Variants in CFAP299 observed in about 807,000 individuals in gnomAD.
The protein encoded by CFAP299 is cilia- and flagella-associated protein 299.
A neutral mutation model predicts 27.0 loss-of-function variants in CFAP299; 21 were observed. The ratio of observed to expected loss-of-function variants is 0.78; its 90% CI spans 0.55 to 1.12. CFAP299 has a LOEUF of 1.12. CFAP299 is among the 50% of genes most tolerant of loss of function. CFAP299 has a pLI of 0.00. For missense variants in CFAP299, 310 were observed against 276.6 expected (o/e 1.12, Z -0.86); for synonymous variants, 104 against 98.1 (o/e 1.06, Z -0.36).
chr4:80,665,404 A>G (rs1047357743), intron 3 of CFAP299, among the ~76,000 whole-genome samples: 6 of 151,878 alleles, frequency 4.0e-5, no homozygotes, highest in African/African-American at 1.5e-4. Flanking sequence ...TTTCTTCTCT[A>G]TTGTTAGGAC....
chr4:80,668,632 G>T (rs896122490), intron 3 of CFAP299, among the ~76,000 whole-genome samples: 1 of 151,932 alleles, frequency 6.6e-6, no homozygotes, highest in Non-Finnish European at 1.5e-5. Context: ...TTTATTTCTG[G>T]GTTCTCTATT....
chr4:80,840,818 T>C (rs370254566), intron 3 of CFAP299, among the ~76,000 whole-genome samples: 1 of 152,162 alleles, frequency 6.6e-6, no homozygotes, highest in East Asian at 1.9e-4. Context: ...AATAATTGGT[T>C]TGCCTTTTAG....
the CFAP299 span, among the ~76,000 whole-genome samples, chr4:80,325,562 T>G: frequency 6.6e-6 from 1 of 152,218 alleles, no homozygotes; most frequent in Non-Finnish European, 1.5e-5. Context: ...GTTAATGTCC[T>G]TCTAAGTTAA....
At chr4:80,853,223 GT>G (rs1731628199) in intron 3 of CFAP299, among the ~76,000 whole-genome samples, 2 of 151,954 alleles carry the variant, frequency 1.3e-5, no homozygotes, top group Non-Finnish European at 2.9e-5. Context: ...TAGAGACGGG[GT>G]TTTCTCATAT....
At chr4:80,953,472 G>A (rs1350029825) in intron 5 of CFAP299, among the ~76,000 whole-genome samples, 2 of 152,114 alleles carry the variant, frequency 1.3e-5, no homozygotes, top group Admixed American at 6.6e-5. Flanking sequence ...TATAAATTAA[G>A]TATTTACTCA....
chr4:80,697,066 G>T (rs73829103), intron 3 of CFAP299, among the ~76,000 whole-genome samples: 6,895 of 152,190 alleles, frequency 0.045, 543 homozygotes, highest in African/African-American at 0.16. Flanking sequence ...TATTTCTGCT[G>T]GGAGCAGTGG....
intron 5 of CFAP299, among the ~76,000 whole-genome samples, chr4:80,951,891 T>C (rs1389838346): frequency 1.3e-5 from 2 of 152,204 alleles, no homozygotes; most frequent in Non-Finnish European, 1.5e-5. Context: ...ACAGACCATA[T>C]ACCAAAGAGT....
chr4:80,533,761 G>C (rs1317325811), intron 2 of CFAP299, among the ~76,000 whole-genome samples: 1 of 152,056 alleles, frequency 6.6e-6, no homozygotes, highest in Non-Finnish European at 1.5e-5. Flanking sequence ...ATGCTCATCA[G>C]AATTATTCAT....
intron 3 of CFAP299, among the ~76,000 whole-genome samples, chr4:80,805,878 A>G (rs1728839248): frequency 4.6e-5 from 7 of 152,028 alleles, no homozygotes; most frequent in African/African-American, 2.4e-5. Context: ...CTTGTCTCAA[A>G]AAAGTATTTA....
intron 2 of CFAP299, among the ~76,000 whole-genome samples, chr4:80,509,095 G>C (rs1342412241): frequency 6.6e-6 from 1 of 152,028 alleles, no homozygotes; most frequent in Non-Finnish European, 1.5e-5. Flanking sequence ...CTAATGAAGG[G>C]GCAGAGAGAA....
At chr4:80,828,437 T>C (rs921145092) in intron 3 of CFAP299, among the ~76,000 whole-genome samples, 1 of 152,044 alleles carries the variant, frequency 6.6e-6, no homozygotes, top group Non-Finnish European at 1.5e-5. Context: ...AAGATACAGT[T>C]TGGATATTCC....
At chr4:80,388,900 G>T (rs1305442206) in intron 2 of CFAP299, among the ~76,000 whole-genome samples, 1 of 152,018 alleles carries the variant, frequency 6.6e-6, no homozygotes, top group Admixed American at 6.5e-5. Flanking sequence ...ATGAATAAAT[G>T]TAAGTATTAA....
chr4:80,933,984 G>A (rs989262624), intron 4 of CFAP299, among the ~76,000 whole-genome samples: 1 of 152,084 alleles, frequency 6.6e-6, no homozygotes, highest in African/African-American at 2.4e-5. Flanking sequence ...AATGGTGAGA[G>A]TAGGCATCCT....
At chr4:80,925,139 TC>T (rs1736243870) in intron 4 of CFAP299, among the ~76,000 whole-genome samples, 1 of 151,964 alleles carries the variant, frequency 6.6e-6, no homozygotes, top group Admixed American at 6.6e-5. Flanking sequence ...GCTTACTATG[TC>T]CCTCAATATG....
intron 2 of CFAP299, among the ~76,000 whole-genome samples, chr4:80,390,645 G>GTATATATGTATACACACATATA (rs1578389396): frequency 8.5e-6 from 1 of 117,830 alleles, no homozygotes; most frequent in Admixed American, 8.5e-5. Flanking sequence ...ACACATATAT[G>GTATATATGTATACACACATATA]TATGTACACA....
At chr4:80,720,664 A>G (rs1722761229) in intron 3 of CFAP299, among the ~76,000 whole-genome samples, 5 of 152,140 alleles carry the variant, frequency 3.3e-5, no homozygotes, top group Admixed American at 2.6e-4. Flanking sequence ...GGATATTTAA[A>G]GGAATAAAAA....
intron 3 of CFAP299, among the ~76,000 whole-genome samples, chr4:80,773,542 C>A (rs1348857385): frequency 1.3e-5 from 2 of 152,118 alleles, no homozygotes; most frequent in Admixed American, 6.6e-5. Context: ...ATTAATTCTG[C>A]AGAGATGATA....
intron 3 of CFAP299, among the ~76,000 whole-genome samples, chr4:80,661,382 G>A (rs1403485036): frequency 2.6e-5 from 4 of 151,252 alleles, no homozygotes; most frequent in South Asian, 4.2e-4. Flanking sequence ...CGGAGGGACC[G>A]GCTGAAGCCA....
intron 3 of CFAP299, among the ~76,000 whole-genome samples, chr4:80,725,999 C>G (rs1192089912): frequency 6.6e-6 from 1 of 152,200 alleles, no homozygotes; most frequent in East Asian, 1.9e-4. Context: ...TCTTTCACCT[C>G]TGTAGAGGAC....
Sources: allele counts gnomAD v4.1 joint callset (sites outside exome capture counted in the v4.1 genomes callset), GRCh38; gene constraint gnomAD v4.1.1; transcripts MANE v1.5; gene names NCBI Gene and HGNC (gene_info 2026-07-23, HGNC 2026-07-21).